The following CNTN5 variants were observed in gnomAD, a reference collection of about 807,000 sequenced individuals.
The protein encoded by CNTN5 is contactin-5.
Under a neutral mutation model 129.1 loss-of-function variants are expected in CNTN5, and 77 were observed. The ratio of observed to expected loss-of-function variants is 0.60; its 90% confidence interval spans 0.50 to 0.72. CNTN5 has a LOEUF of 0.72. Among genes scored for constraint, CNTN5 ranks in the 30% least tolerant of loss-of-function variants. The pLI, the probability that CNTN5 is intolerant of heterozygous loss-of-function variation, is 0.00. For synonymous variants in CNTN5, 509 were observed against 465.6 expected, an observed-to-expected ratio of 1.09 and a Z score of -1.20; for missense variants, 1,478 against 1,328.8, an observed-to-expected ratio of 1.11 and a Z score of -1.75.
intron 7 of CNTN5, among the ~76,000 whole-genome samples, chr11:99,941,850 AAG>A (rs1387488253): frequency 2.0e-5 from 3 of 152,136 alleles, no homozygotes; most frequent in Non-Finnish European, 4.4e-5. Flanking sequence ...TGTAGTTAAA[AAG>A]AGTCAGGCAA....
intron 16 of CNTN5, among the ~76,000 whole-genome samples, chr11:100,251,134 A>G (rs1949954960): frequency 6.6e-6 from 1 of 152,180 alleles, no homozygotes; most frequent in Admixed American, 6.6e-5. Context: ...GGCAAGTTCC[A>G]GTTAGCCATT....
At chr11:99,553,403 TG>T (rs1948558736) in intron 2 of CNTN5, among the ~76,000 whole-genome samples, 1 of 152,100 alleles carries the variant, frequency 6.6e-6, no homozygotes, top group South Asian at 2.1e-4. Flanking sequence ...CTAATATATG[TG>T]TAATTAATTA....
chr11:100,237,675 C>A (rs765586337), intron 16 of CNTN5, among the ~76,000 whole-genome samples: 2 of 152,054 alleles, frequency 1.3e-5, no homozygotes, highest in African/African-American at 2.4e-5. Flanking sequence ...CCAGATGATT[C>A]TTTTTAATGC....
intron 3 of CNTN5, among the ~76,000 whole-genome samples, chr11:99,681,912 CAGTG>C (rs1191437675): frequency 2.6e-5 from 4 of 151,836 alleles, no homozygotes; most frequent in Non-Finnish European, 4.4e-5. Context: ...TAAATTATAA[CAGTG>C]AGAAAATTAG....
chr11:100,096,365 A>C (rs551744650), intron 13 of CNTN5, among the ~76,000 whole-genome samples: 1 of 152,236 alleles, frequency 6.6e-6, no homozygotes, highest in South Asian at 2.1e-4. Flanking sequence ...AGTAGAGCAC[A>C]TGGCTCATGT....
rs920634787 is a variant in CNTN5 at position 100,340,730 on chromosome 11, A to G, written c.2917+81A>G. The stretch of plus-strand genomic sequence containing the variant: ...TTTCTCAAAGCCACGTGAGGTGCAT[A>G]ATAAGCAGAGTCAAAGGGGAGTTTT... On this transcript the variant is annotated intron_variant, in intron 22 of 24. Transcript: ENST00000524871. 2.4e-6 allele frequency: 3 copies of G among 1,244,912 alleles called. No homozygotes were observed. The African/African-American group carries it at 4.5e-5, about 19-fold the overall frequency. 77.1% of individuals were successfully genotyped at this position (1,244,912 alleles called of 1,614,324 possible). A position where few individuals can be genotyped will look rare whatever the true frequency, so the allele number is the denominator to read the frequency against.
At chr11:99,546,955 C>G (rs1038072547) in intron 2 of CNTN5, among the ~76,000 whole-genome samples, 1 of 150,662 alleles carries the variant, frequency 6.6e-6, no homozygotes, top group African/African-American at 2.4e-5. Flanking sequence ...GTGAGTCTTT[C>G]ATGAAAGATA....
intron 13 of CNTN5, among the ~76,000 whole-genome samples, chr11:100,146,262 C>T (rs1026756199): frequency 3.3e-5 from 5 of 152,078 alleles, no homozygotes; most frequent in Non-Finnish European, 7.4e-5. Context: ...AAGAAAAGAG[C>T]TCAAAATGTA....
At position 99,567,229 on chromosome 11, in the gene CNTN5, A is replaced by G. The variant is rs1278159380; in HGVS notation, c.55+10960A>G. ...TACCAGACAATATGAAGGTGAGACA[A>G]GAGAGGAAATCTAATTCCTGGAGCC... is the stretch of plus-strand genomic sequence containing the variant. On this transcript the variant is annotated intron_variant, in intron 3 of 24. Coordinates refer to ENST00000524871, the MANE Select transcript of CNTN5 (RefSeq NM_014361.4). Among the ~76,000 whole-genome samples the G allele has an allele frequency of 4.6e-5, 7 of 152,334 alleles. No homozygotes were observed. The East Asian group carries it at 1.2e-3, about 25-fold the overall frequency.
chr11:99,851,758 C>T (rs898445740), intron 6 of CNTN5, among the ~76,000 whole-genome samples: 1 of 152,164 alleles, frequency 6.6e-6, no homozygotes, highest in Non-Finnish European at 1.5e-5. Flanking sequence ...ATTAAAATAA[C>T]CTACTTAACT....
At chr11:99,537,823 A>G (rs1471633018) in intron 2 of CNTN5, among the ~76,000 whole-genome samples, 3 of 152,166 alleles carry the variant, frequency 2.0e-5, no homozygotes, top group Non-Finnish European at 4.4e-5. Context: ...ACAGCTTTCT[A>G]GGGAATAGCA....
intron 2 of CNTN5, among the ~76,000 whole-genome samples, chr11:99,448,233 A>G (rs575209756): frequency 2.6e-5 from 4 of 152,304 alleles, no homozygotes; most frequent in South Asian, 2.1e-4. Flanking sequence ...GCAGAATTCT[A>G]CAATGAATAA....
Position 99,744,318 on chromosome 11 carries a change from CACAA to C in CNTN5, c.56-75206_56-75203del, listed in dbSNP as rs757820784. Among the ~76,000 whole-genome samples the C allele has an allele frequency of 1.8e-3, 277 of 151,752 alleles. 1 individual carries two copies. The highest frequency in any genetic ancestry group is 5.0e-3 in the African/African-American group (208 of 41,416). ...ACAGAGATTGTAAACCTCTGGCCCC[CACAA>C]ACAAACAAACAAACAAACAGAAAGA... On this transcript the variant is annotated intron_variant, in intron 3 of 24. Transcript: ENST00000524871.
In CNTN5 at chr11:99,845,180, A is replaced by G. The variant is rs1359569969; in HGVS notation, c.495A>G (p.Ala165=). ...TCATTATAAGCAATCCAAGTGAAGC[A>G]AAGGATTCTGGTCATTATCAGTGTT... is the stretch of plus-strand genomic sequence containing the variant. ...GTFIISNPSE[A]KDSGHYQCLA... The change falls in exon 6 of 25, where the codon GCA becomes GCG. Residue 165 remains alanine (A), a synonymous_variant. Transcript: ENST00000524871. The G allele has an allele frequency of 6.2e-7, 1 of 1,613,584 alleles. No homozygotes were observed. The highest frequency in any genetic ancestry group is 8.5e-7 in the Non-Finnish European group (1 of 1,179,766).
intron 3 of CNTN5, among the ~76,000 whole-genome samples, chr11:99,793,200 C>G (rs1945814803): frequency 6.6e-6 from 1 of 152,026 alleles, no homozygotes; most frequent in African/African-American, 2.4e-5. Flanking sequence ...GCTGGGGCTA[C>G]AGGCACCTGC....
intron 2 of CNTN5, among the ~76,000 whole-genome samples, chr11:99,555,688 G>T (rs1399028322): frequency 6.6e-6 from 1 of 151,828 alleles, no homozygotes. Context: ...TCCCTGTGGT[G>T]GTTTTGATGA....
intron 4 of CNTN5, among the ~76,000 whole-genome samples, chr11:99,838,224 G>C (rs867506620): frequency 6.6e-6 from 1 of 152,062 alleles, no homozygotes; most frequent in South Asian, 2.1e-4. Flanking sequence ...GCTAAGACTG[G>C]ATATAGATCC....
At chr11:99,615,181 G>A (rs1950722327) in intron 3 of CNTN5, among the ~76,000 whole-genome samples, 1 of 151,414 alleles carries the variant, frequency 6.6e-6, no homozygotes, top group Non-Finnish European at 1.5e-5. Flanking sequence ...TGATAACTAA[G>A]AAATCATAAA....
intron 8 of CNTN5, among the ~76,000 whole-genome samples, chr11:99,977,571 G>A (rs7947340): frequency 0.011 from 1,637 of 152,270 alleles, 30 homozygotes; most frequent in African/African-American, 0.035. Flanking sequence ...CAGACAAGAA[G>A]CAAGGCATGT....
Sources: gnomAD v4.1 joint callset for allele counts (sites outside exome capture counted in the v4.1 genomes callset) on GRCh38, gnomAD v4.1.1 for gene constraint, MANE v1.5 for transcripts, NCBI Gene and HGNC (gene_info 2026-07-23, HGNC 2026-07-21) for gene names.